Variants in CRACDL observed in about 807,000 individuals in gnomAD.
The protein encoded by CRACDL is CRACD like, also known as CRACD-like protein.
CRACDL carries 26 observed loss-of-function variants against 70.6 expected under a neutral mutation model. The observed-to-expected ratio is 0.37, with a 90% CI of 0.27 to 0.51. The LOEUF is 0.51. Among genes scored for constraint, CRACDL ranks in the 20% least tolerant of loss-of-function variants. CRACDL has a pLI of 0.94. For synonymous variants in CRACDL, 618 were observed against 615.2 expected, an observed-to-expected ratio of 1.00 and a Z score of -0.07; for missense variants, 1,283 against 1,376.9, an observed-to-expected ratio of 0.93 and a Z score of 1.08.
chr2:98,934,579 G>A (rs915521687), intron 1 of CRACDL, among the ~76,000 whole-genome samples: 15 of 152,128 alleles, frequency 9.9e-5, no homozygotes, highest in South Asian at 2.1e-4. Flanking sequence ...CCCACATGAC[G>A]CATCCTATGC....
chr2:98,880,050 C>T (rs1707601804), intron 1 of CRACDL, among the ~76,000 whole-genome samples: 1 of 141,484 alleles, frequency 7.1e-6, no homozygotes, highest in Non-Finnish European at 1.6e-5. Context: ...ATAAGTTCTG[C>T]ATATCCCACA....
At chr2:98,853,667 T>C (rs1257996613) in intron 1 of CRACDL, among the ~76,000 whole-genome samples, 2 of 152,172 alleles carry the variant, frequency 1.3e-5, no homozygotes, top group Non-Finnish European at 2.9e-5. Context: ...TTTAAATGCA[T>C]ATAACAACTA....
Position 98,822,597 on chromosome 2 carries a change from C to T in CRACDL, c.1676G>A (p.Arg559Gln). ...CTCGGCACCGCCCCTCTCCGCCTTCCGCTCTGGCGCCGCCCTCTCGGCGCC... is the reference window on the plus strand; with the variant it reads ...CTCGGCACCGCCCCTCTCCGCCTTCTGCTCTGGCGCCGCCCTCTCGGCGCC... ...PAGAERAAPE[R>Q]KAERGGAELR... Residue 559 changes from arginine (R) to glutamine (Q), a missense_variant, in exon 7 of 10, where the codon CGG becomes CAG. This residue lies in a region of CRACDL where 921 missense variants were observed against 881.9 expected (regional missense o/e 1.04). Coordinates refer to ENST00000397899, the MANE Select transcript of CRACDL (RefSeq NM_207362.3). The surrounding 1 kb of genome is among the most constrained non-coding windows in gnomAD (Gnocchi z 4.9). 7.0e-7 allele frequency: 1 copy of T among 1,422,472 alleles called. No homozygotes were observed. The highest frequency in any genetic ancestry group is 9.1e-7 in the Non-Finnish European group (1 of 1,093,916). 88.1% of individuals were successfully genotyped at this position (1,422,472 alleles called of 1,614,324 possible).
intron 2 of CRACDL, among the ~76,000 whole-genome samples, chr2:98,845,887 G>GA (rs1387848261): frequency 3.9e-5 from 6 of 152,162 alleles, no homozygotes; most frequent in East Asian, 1.9e-4. Flanking sequence ...GAAATAATAA[G>GA]AAAAAATCTA....
At chr2:98,817,362 A>G (rs1195383560) in intron 7 of CRACDL, among the ~76,000 whole-genome samples, 1 of 152,220 alleles carries the variant, frequency 6.6e-6, no homozygotes, top group African/African-American at 2.4e-5. Flanking sequence ...TTATGTGTTC[A>G]TATCACAATA....
At chr2:98,833,039 C>T (rs564311837) in intron 3 of CRACDL, 42 bp from the exon 4 acceptor site, 93 of 1,572,962 alleles carry the variant, frequency 5.9e-5, no homozygotes, top group Non-Finnish European at 7.7e-5. Flanking sequence ...CCACCTCCAT[C>T]TTACTGACCC....
At chr2:98,934,144 T>C (rs571086331) in intron 1 of CRACDL, among the ~76,000 whole-genome samples, 5 of 151,378 alleles carry the variant, frequency 3.3e-5, no homozygotes, top group African/African-American at 9.7e-5. Context: ...CATAGCACTA[T>C]CACTGCTCTC....
Position 98,929,303 on chromosome 2 carries a change from C to T in CRACDL, c.-11+6635G>A, listed in dbSNP as rs370828411. Among the ~76,000 whole-genome samples the T allele has an allele frequency of 1.3e-3, 195 of 152,340 alleles. 1 individual carries two copies. The highest frequency in any genetic ancestry group is 2.1e-3 in the Non-Finnish European group (144 of 68,032). ...CAGAAGGGAGAGAACCCGAGAGCCA[C>T]GGTCTGGGCCGATGCCCTTGGACCT... is the stretch of plus-strand genomic sequence containing the variant. On this transcript the variant is annotated intron_variant, in intron 1 of 9. Coordinates refer to ENST00000397899, the MANE Select transcript of CRACDL (RefSeq NM_207362.3).
chr2:98,932,716 A>G (rs1709108827), intron 1 of CRACDL, among the ~76,000 whole-genome samples: 1 of 152,166 alleles, frequency 6.6e-6, no homozygotes, highest in Non-Finnish European at 1.5e-5. Flanking sequence ...TTCAGGTAAT[A>G]AAAAGGCCTA....
intron 2 of CRACDL, among the ~76,000 whole-genome samples, chr2:98,843,691 T>C (rs1443840877): frequency 6.6e-6 from 1 of 152,218 alleles, no homozygotes; most frequent in African/African-American, 2.4e-5. Context: ...ATGGGTCTGT[T>C]TTTGAACTCT....
intron 7 of CRACDL, among the ~76,000 whole-genome samples, chr2:98,821,619 GT>G (rs369568176): frequency 9.4e-4 from 143 of 152,346 alleles, no homozygotes; most frequent in African/African-American, 3.3e-3. Flanking sequence ...AAGTCTCAAT[GT>G]TTTAAGAAAG....
chr2:98,813,329 G>A (rs1559206889), intron 7 of CRACDL, among the ~76,000 whole-genome samples: 1 of 152,208 alleles, frequency 6.6e-6, no homozygotes, highest in Non-Finnish European at 1.5e-5. Flanking sequence ...CTACTTGGGA[G>A]GCTGAGGCAG....
chr2:98,904,001 G>C (rs1708346441), intron 1 of CRACDL, among the ~76,000 whole-genome samples: 1 of 152,188 alleles, frequency 6.6e-6, no homozygotes, highest in Non-Finnish European at 1.5e-5. Context: ...CTGCAAAACA[G>C]AGGGACACAG....
chr2:98,882,738 A>C (rs530947471), intron 1 of CRACDL, among the ~76,000 whole-genome samples: 1 of 152,232 alleles, frequency 6.6e-6, no homozygotes, highest in South Asian at 2.1e-4. Context: ...ATGTCAAACC[A>C]TTTGAACCCC....
chr2:98,894,146 A>G (rs1056860920), intron 1 of CRACDL, among the ~76,000 whole-genome samples: 3 of 152,236 alleles, frequency 2.0e-5, no homozygotes, highest in Non-Finnish European at 2.9e-5. Flanking sequence ...CGAATCAGCA[A>G]TGCTTCTGCT....
chr2:98,885,316 C>T (rs1244828788), intron 1 of CRACDL, among the ~76,000 whole-genome samples: 1 of 152,004 alleles, frequency 6.6e-6, no homozygotes, highest in East Asian at 1.9e-4. Flanking sequence ...ATTTAAAGGT[C>T]TCTCTTTTAA....
intron 2 of CRACDL, among the ~76,000 whole-genome samples, chr2:98,839,240 G>A (rs989332379): frequency 6.6e-6 from 1 of 152,158 alleles, no homozygotes. Context: ...AATTACTTAG[G>A]ATTACTTTAG....
intron 1 of CRACDL, among the ~76,000 whole-genome samples, chr2:98,852,613 C>T (rs1706526885): frequency 6.6e-6 from 1 of 151,938 alleles, no homozygotes. Context: ...TAAAGAATTT[C>T]AAATTAGAAA....
At chr2:98,815,290 G>A (rs1173745847) in intron 7 of CRACDL, among the ~76,000 whole-genome samples, 1 of 152,176 alleles carries the variant, frequency 6.6e-6, no homozygotes, top group African/African-American at 2.4e-5. Flanking sequence ...CTGAGACTTG[G>A]TCCTTCTAAA....
Sources: allele counts gnomAD v4.1 joint callset (sites outside exome capture counted in the v4.1 genomes callset), GRCh38; gene constraint gnomAD v4.1.1; regional missense constraint gnomAD v4.1.1; non-coding constraint Gnocchi (gnomAD v3.1); transcripts MANE v1.5; gene names NCBI Gene and HGNC (gene_info 2026-07-23, HGNC 2026-07-21).